ZMYM6: variants seen among roughly 807,000 people sequenced by gnomAD.
The protein encoded by ZMYM6 is zinc finger MYM-type containing 6, also known as zinc finger MYM-type protein 6.
In ZMYM6, 90 loss-of-function variants were observed where a neutral mutation model predicts 134.0. That is an observed-to-expected ratio of 0.67 (90% confidence interval 0.57 to 0.80). ZMYM6 has a LOEUF of 0.80. Among genes scored for constraint, ZMYM6 ranks in the 30% least tolerant of loss-of-function variants. ZMYM6 has a pLI of 0.00. For synonymous variants in ZMYM6, 481 were observed against 524.1 expected (o/e 0.92, Z 1.12); for missense variants, 1,362 against 1,533.9 (o/e 0.89, Z 1.87).
At chr1:34,995,030 T>C (rs1640753319) in intron 14 of ZMYM6, among the ~76,000 whole-genome samples, 1 of 108,244 alleles carries the variant, frequency 9.2e-6, no homozygotes, top group East Asian at 2.9e-4. Context: ...TACGTATATA[T>C]ATGTAATATA....
chr1:35,031,834 A>C lies in ZMYM6; in HGVS notation c.-94T>G, dbSNP rs1436461335. The C allele has an allele frequency of 6.6e-6, 1 of 152,448 alleles. No individual in the cohort carries two copies. The highest frequency in any genetic ancestry group is 2.4e-5 in the African/African-American group (1 of 41,448). The allele number at this position is 152,448 out of a possible 1,614,324, so 9.4% of individuals were successfully genotyped here. A position where few individuals can be genotyped will look rare whatever the true frequency, so the allele number is the denominator to read the frequency against. On this transcript the variant is annotated 5_prime_UTR_variant, in exon 1 of 16. Transcript: ENST00000357182. ...ACCCACCTTCTGTCGCCTCCCTGCT[A>C]CCGGAGGAGCACTGGAATAGGAACC...
At chr1:35,018,948 C>A in intron 4 of ZMYM6, 1 of 223,184 alleles carries the variant, frequency 4.5e-6, no homozygotes, top group Non-Finnish European at 8.7e-6. Flanking sequence ...TTTTTGCGAC[C>A]ATGTAGAGTT....
chr1:35,006,373 T>C (rs934505922), intron 12 of ZMYM6, among the ~76,000 whole-genome samples: 8 of 152,236 alleles, frequency 5.3e-5, no homozygotes, highest in Non-Finnish European at 7.3e-5. Flanking sequence ...GAATATATCA[T>C]GGATCTATCT....
intron 2 of ZMYM6, among the ~76,000 whole-genome samples, chr1:35,029,069 A>G (rs149075029): frequency 4.0e-4 from 61 of 152,022 alleles, no homozygotes; most frequent in African/African-American, 1.3e-3. Context: ...GCAGGCGCCT[A>G]TAATCCCAGC....
intron 15 of ZMYM6, 58 bp downstream of exon 15, chr1:34,992,176 C>T: frequency 6.2e-7 from 1 of 1,607,814 alleles, no homozygotes; most frequent in East Asian, 2.2e-5. Context: ...TCTTAAAAAA[C>T]AAAAACAAAC....
rs772780362 is a variant in ZMYM6, at chr1:35,007,073, C to T, written c.1691G>A (p.Arg564Gln). 6.9e-6 allele frequency: 11 copies of T among 1,605,438 alleles called. No homozygotes were observed. The highest frequency in any genetic ancestry group is 1.3e-5 in the African/African-American group (1 of 74,708). Residue 564 changes from arginine to glutamine, a missense_variant, in exon 12 of 16, where the codon CGA becomes CAA. Physicochemically the swap from Arg to Gln is conservative, Grantham distance 43. Transcript: ENST00000357182. Reference protein sequence around the residue: ...YQMAKCDGCKRQGKLSESIKW... With the variant: ...YQMAKCDGCKQQGKLSESIKW... ...TATGGACTCGCTTAGTTTACCCTGT[C>T]GTTTACAACCATCACACTTGGCCAT... is the stretch of plus-strand genomic sequence containing the variant.
intron 14 of ZMYM6, among the ~76,000 whole-genome samples, chr1:34,996,290 A>T (rs1163669823): frequency 1.3e-5 from 2 of 152,150 alleles, no homozygotes; most frequent in Non-Finnish European, 2.9e-5. Context: ...ACTTTAGTGT[A>T]GTTAGATATT....
chr1:35,012,693 T>G (rs1247614825), intron 6 of ZMYM6, 112 bp from the exon 7 acceptor site: 4 of 1,468,462 alleles, frequency 2.7e-6, no homozygotes, highest in Non-Finnish European at 3.6e-6. Flanking sequence ...TTGAAATATT[T>G]GAGCATGATG....
intron 14 of ZMYM6, among the ~76,000 whole-genome samples, chr1:34,996,643 AT>A (rs1262090539): frequency 1.3e-5 from 2 of 152,148 alleles, no homozygotes; most frequent in African/African-American, 4.8e-5. Context: ...TTCACTTATG[AT>A]ATTTGAGACT....
At chr1:35,019,957 A>C (rs1047959611) in intron 3 of ZMYM6, among the ~76,000 whole-genome samples, 2 of 152,132 alleles carry the variant, frequency 1.3e-5, no homozygotes, top group Non-Finnish European at 2.9e-5. Context: ...GGTGTTAGCC[A>C]CTAAACCCAG....
chr1:35,028,579 A>G (rs1357401198), intron 2 of ZMYM6, among the ~76,000 whole-genome samples: 10 of 151,182 alleles, frequency 6.6e-5, no homozygotes, highest in Admixed American at 2.6e-4. Flanking sequence ...GGCTCACTGC[A>G]AGCTCCGCCT....
At chr1:35,031,140 T>C (rs1394420746) in intron 1 of ZMYM6, 3 of 153,034 alleles carry the variant, frequency 2.0e-5, no homozygotes, top group Non-Finnish European at 2.9e-5. Context: ...CCCTGACCTA[T>C]AACTCAACCT....
chr1:35,007,032 T>C lies in ZMYM6; in HGVS notation c.1732A>G (p.Ile578Val), dbSNP rs1037233611. 5 of 1,613,448 alleles carry C rather than the reference T, an allele frequency of 3.1e-6. No individual in the cohort carries two copies. Among genetic ancestry groups the C allele is most frequent in the African/African-American group, 1.3e-5 (1 of 74,920 alleles). ...LSESIKWRGNIKHFCNLFCVL... is the reference protein window; with the variant it reads ...LSESIKWRGNVKHFCNLFCVL... ...CAAAATAGGTTACAGAAATGTTTAA[T>C]GTTGCCTCGCCACTTTATGGACTCG... The change falls in exon 12 of 16, where the codon ATT becomes GTT. Residue 578 changes from isoleucine to valine, a missense_variant. Coordinates refer to ENST00000357182, the MANE Select transcript of ZMYM6 (RefSeq NM_007167.4).
chr1:35,026,397 T>C (rs1641415998), intron 2 of ZMYM6, among the ~76,000 whole-genome samples: 1 of 152,202 alleles, frequency 6.6e-6, no homozygotes, highest in African/African-American at 2.4e-5. Context: ...TATCTCTTAT[T>C]TTCCAATATT....
At position 35,030,718 on chromosome 1, in the gene ZMYM6, A is replaced by G; in HGVS notation, c.-74-5T>C. ...TGGTAATGGATAGTTGGACACCTAA[A>G]ATACATACTCAGGCTTATTCTTTTT... is the stretch of plus-strand genomic sequence containing the variant. On this transcript the variant is annotated splice_polypyrimidine_tract_variant and splice_region_variant and intron_variant, in intron 1 of 15. Coordinates refer to ENST00000357182, the MANE Select transcript of ZMYM6 (RefSeq NM_007167.4). 7.6e-7 allele frequency: 1 copy of G among 1,323,906 alleles called. No individual in the cohort carries two copies. The highest frequency in any genetic ancestry group is 1.1e-6 in the Non-Finnish European group (1 of 940,330). The allele number at this position is 1,323,906 out of a possible 1,614,324, so 82.0% of individuals were successfully genotyped here. A position where few individuals can be genotyped will look rare whatever the true frequency, so the allele number is the denominator to read the frequency against.
chr1:34,987,641 A>C lies in ZMYM6; in HGVS notation c.3441T>G (p.Phe1147Leu). 6.3e-7 allele frequency: 1 copy of C among 1,575,654 alleles called. No homozygotes were observed. The highest frequency in any genetic ancestry group is 8.6e-7 in the Non-Finnish European group (1 of 1,159,416). Residue 1147 changes from phenylalanine (F) to leucine (L), a missense_variant, in exon 16 of 16, where the codon TTT becomes TTG. Phe to Leu is a conservative substitution (Grantham distance 22). Coordinates refer to ENST00000357182, the MANE Select transcript of ZMYM6 (RefSeq NM_007167.4). ...TCAACCACATTTTTAACTTTCTCTT[A>C]AATACATCAATTTTATTACACAAAT... is the stretch of plus-strand genomic sequence containing the variant. ...FFNLCNKIDV[F>L]KRKLKMWLKR...
chr1:34,989,214 G>GC (rs1640624386), intron 15 of ZMYM6: 10 of 1,158,068 alleles, frequency 8.6e-6, no homozygotes, highest in Non-Finnish European at 1.1e-5. Context: ...TGAAATTAGG[G>GC]CTGAAGACCA....
intron 2 of ZMYM6, among the ~76,000 whole-genome samples, chr1:35,027,706 AGT>A (rs1387122408): frequency 6.6e-6 from 1 of 152,174 alleles, no homozygotes; most frequent in African/African-American, 2.4e-5. Flanking sequence ...TGGGCAACAA[AGT>A]GAGACCCTGT....
At chr1:35,029,572 T>C (rs1641479660) in intron 2 of ZMYM6, among the ~76,000 whole-genome samples, 1 of 152,230 alleles carries the variant, frequency 6.6e-6, no homozygotes, top group Non-Finnish European at 1.5e-5. Context: ...TTTATTGTTG[T>C]TGTTTTAATC....
Sources: allele counts gnomAD v4.1 joint callset (sites outside exome capture counted in the v4.1 genomes callset), GRCh38; gene constraint gnomAD v4.1.1; transcripts MANE v1.5; gene names NCBI Gene and HGNC (gene_info 2026-07-23, HGNC 2026-07-21).